The following SLC9A3 variants were observed in gnomAD, a reference collection of about 807,000 sequenced individuals.
The protein encoded by SLC9A3 is solute carrier family 9 member A3.
SLC9A3 carries 37 observed loss-of-function variants against 86.8 expected under a neutral mutation model. That is an observed-to-expected ratio of 0.43 (90% CI 0.33 to 0.56). The LOEUF (loss-of-function observed/expected upper bound fraction) is 0.56, where lower values mean the gene tolerates loss of function less well. SLC9A3 is among the 20% of genes least tolerant of loss of function. The pLI, the probability that SLC9A3 is intolerant of heterozygous loss-of-function variation, is 0.06. For missense variants in SLC9A3, 1,011 were observed against 1,171.9 expected (o/e 0.86, Z 2.00); for synonymous variants, 581 against 528.3 (o/e 1.10, Z -1.37).
At chr5:519,319 C>T (rs1733818124) in intron 1 of SLC9A3, among the ~76,000 whole-genome samples, 3 of 152,208 alleles carry the variant, frequency 2.0e-5, no homozygotes, top group African/African-American at 2.4e-5. Context: ...TCCTATGCTT[C>T]TTCAAGGAGA....
intron 13 of SLC9A3, 38 bp downstream of exon 13, chr5:476,164 C>T: frequency 6.2e-7 from 1 of 1,612,550 alleles, no homozygotes; most frequent in Non-Finnish European, 8.5e-7. Context: ...CCGCTCCAGG[C>T]CCCAGCCCCG....
At chr5:507,494 G>A (rs1388559789) in intron 1 of SLC9A3, among the ~76,000 whole-genome samples, 2 of 151,450 alleles carry the variant, frequency 1.3e-5, no homozygotes, top group Non-Finnish European at 2.9e-5. Flanking sequence ...AAAACTCTTG[G>A]GCTCATGTGA....
chr5:473,607 C>T (rs1459200648), intron 16 of SLC9A3, among the ~76,000 whole-genome samples: 2 of 152,172 alleles, frequency 1.3e-5, no homozygotes, highest in Non-Finnish European at 2.9e-5. Flanking sequence ...CACGTCCCCC[C>T]GCCGGGGGTC....
intron 16 of SLC9A3, among the ~76,000 whole-genome samples, chr5:473,712 C>CA (rs1162810076): frequency 1.3e-5 from 2 of 152,262 alleles, no homozygotes; most frequent in East Asian, 3.9e-4. Context: ...TCCTCCATCT[C>CA]AAACCGCCCT....
intron 1 of SLC9A3, among the ~76,000 whole-genome samples, chr5:494,887 C>T (rs1202026047): frequency 1.3e-5 from 2 of 152,216 alleles, no homozygotes; most frequent in African/African-American, 4.8e-5. Flanking sequence ...CGTTCTTTGC[C>T]TCTGCCCACG....
intron 1 of SLC9A3, among the ~76,000 whole-genome samples, chr5:510,643 C>T (rs747417298): frequency 3.3e-5 from 5 of 152,236 alleles, no homozygotes; most frequent in African/African-American, 4.8e-5. Flanking sequence ...GCTGAGGGCC[C>T]GCTACCCACA....
At chr5:490,195 C>A (rs201674994) in intron 2 of SLC9A3, among the ~76,000 whole-genome samples, 7 of 73,778 alleles carry the variant, frequency 9.5e-5, no homozygotes, top group South Asian at 7.0e-4. Context: ...AGGCTGAGCG[C>A]AGGCCTCCAG....
intron 14 of SLC9A3, 122 bp downstream of exon 14, chr5:475,898 C>T (rs1738695993): frequency 2.2e-6 from 2 of 890,864 alleles, no homozygotes; most frequent in Non-Finnish European, 1.7e-6. Context: ...CCTCCCCTGC[C>T]TGGGTGGCTG....
chr5:479,640 T>G, intron 10 of SLC9A3, 196 bp downstream of exon 10: 1 of 582,218 alleles, frequency 1.7e-6, no homozygotes, highest in Non-Finnish European at 3.1e-6. Flanking sequence ...ACCAGGACTC[T>G]GTGACTCAGT....
intron 9 of SLC9A3, 93 bp downstream of exon 9, chr5:481,472 G>A: frequency 2.7e-6 from 3 of 1,093,950 alleles, no homozygotes; most frequent in Admixed American, 3.4e-5. Context: ...GACTCAAACA[G>A]TTGTTATGCA....
In SLC9A3 at chr5:472,626, G is replaced by A. The variant is rs1251382202; in HGVS notation, c.*753C>T. The A allele has an allele frequency of 9.0e-6, 4 of 445,678 alleles. No homozygotes were observed. Among genetic ancestry groups the A allele is most frequent in the Admixed American group, 5.1e-5 (2 of 38,874 alleles). 27.6% of individuals were successfully genotyped at this position (445,678 alleles called of 1,614,324 possible). The stretch of plus-strand genomic sequence containing the variant: ...GGAAACGGGGCAGGTACTGGCTTTA[G>A]GAGTCTAAATCCCCAAACGCTGAGC... On this transcript the variant is annotated 3_prime_UTR_variant, in exon 17 of 17. Coordinates refer to ENST00000264938, the MANE Select transcript of SLC9A3 (RefSeq NM_004174.4).
intron 2 of SLC9A3, among the ~76,000 whole-genome samples, chr5:490,895 C>T (rs570407386): frequency 8.5e-5 from 13 of 152,172 alleles, no homozygotes; most frequent in East Asian, 1.9e-4. Context: ...GGTGAGAAGG[C>T]GCCAAGGAAC....
intron 1 of SLC9A3, among the ~76,000 whole-genome samples, chr5:493,765 C>T (rs13189685): frequency 0.82 from 121,468 of 148,448 alleles, 50,231 homozygotes; most frequent in Non-Finnish European, 0.92. Flanking sequence ...ATGGGAGGTC[C>T]TGCTGTGGGC....
rs374389979 is a variant in SLC9A3, at chr5:515,601, C to T, written c.211+8511G>A. Among the ~76,000 whole-genome samples, 10 of 152,084 alleles carry T rather than the reference C, an allele frequency of 6.6e-5. No individual in the cohort carries two copies. In the South Asian group the frequency reaches 1.2e-3, roughly 19 times the overall value. On this transcript the variant is annotated intron_variant, in intron 1 of 16. Coordinates refer to ENST00000264938, the MANE Select transcript of SLC9A3 (RefSeq NM_004174.4). The stretch of plus-strand genomic sequence containing the variant: ...TCACACGGCCAGAGTGCAAGGACCA[C>T]CTGCTGCTCCTGCTTATCCTCCACA...
At chr5:476,125 G>A (rs766888680) in intron 13 of SLC9A3, 33 bp from the exon 14 acceptor site, 15 of 1,611,776 alleles carry the variant, frequency 9.3e-6, no homozygotes, top group South Asian at 1.1e-5. Flanking sequence ...CTCACACCCC[G>A]ACACAGCCAC....
At chr5:473,782 G>A (rs1422732214) in intron 16 of SLC9A3, among the ~76,000 whole-genome samples, 7 of 152,268 alleles carry the variant, frequency 4.6e-5, no homozygotes, top group Non-Finnish European at 8.8e-5. Context: ...AGACCCCACG[G>A]CCCGCCCCTC....
chr5:511,015 C>T (rs1308159204), intron 1 of SLC9A3, among the ~76,000 whole-genome samples: 8 of 152,212 alleles, frequency 5.3e-5, no homozygotes, highest in Non-Finnish European at 1.2e-4. Flanking sequence ...CCCATCACGA[C>T]TCCCTCCAGC....
At chr5:486,596 C>T (rs1739482885) in intron 3 of SLC9A3, among the ~76,000 whole-genome samples, 1 of 152,176 alleles carries the variant, frequency 6.6e-6, no homozygotes, top group African/African-American at 2.4e-5. Context: ...GTTCAGTTTC[C>T]CTCCCTTCAC....
Position 498,103 on chromosome 5 carries a change from G to A in SLC9A3, c.212-6032C>T, listed in dbSNP as rs186233529. 1.5e-3 allele frequency among the ~76,000 whole-genome samples: 222 copies of A among 152,240 alleles called. 11 individuals are homozygous for A. The highest frequency in any genetic ancestry group is 0.013 in the East Asian group (68 of 5,184). On this transcript the variant is annotated intron_variant, in intron 1 of 16. Coordinates refer to ENST00000264938, the MANE Select transcript of SLC9A3 (RefSeq NM_004174.4). Reference sequence around the variant, plus strand: ...TTCTCCGCACTCCTGGACGTCTCTCGGACCTTTCGCTCTGACAGTGGCTTG... The same window carrying A: ...TTCTCCGCACTCCTGGACGTCTCTCAGACCTTTCGCTCTGACAGTGGCTTG...
Sources: gnomAD v4.1 joint callset for allele counts (sites outside exome capture counted in the v4.1 genomes callset) on GRCh38, gnomAD v4.1.1 for gene constraint, MANE v1.5 for transcripts, NCBI Gene and HGNC (gene_info 2026-07-23, HGNC 2026-07-21) for gene names.